The following GABRG2 variants were observed in gnomAD, a reference collection of about 807,000 sequenced individuals.
GABRG2 encodes the protein gamma-aminobutyric acid receptor subunit gamma-2.
A neutral mutation model predicts 56.4 loss-of-function variants in GABRG2; 16 were observed. That is an observed-to-expected ratio of 0.28 (90% CI 0.19 to 0.43). GABRG2 has a LOEUF of 0.43. GABRG2 is among the 20% of genes least tolerant of loss of function. The pLI is 1.00. For missense variants in GABRG2, 327 were observed against 582.7 expected (o/e 0.56, Z 4.52); for synonymous variants, 208 against 205.5 (o/e 1.01, Z -0.10).
intron 6 of GABRG2, among the ~76,000 whole-genome samples, chr5:162,115,558 A>G (rs868574445): frequency 1.3e-5 from 2 of 152,130 alleles, no homozygotes; most frequent in African/African-American, 2.4e-5. Context: ...TAGACCTGCC[A>G]TGAGTGGGAG....
chr5:162,115,785 C>T (rs1400343366), intron 6 of GABRG2, among the ~76,000 whole-genome samples: 1 of 152,024 alleles, frequency 6.6e-6, no homozygotes, highest in Non-Finnish European at 1.5e-5. Context: ...ATTGGCTGAA[C>T]TTGTATAGTC....
chr5:162,077,294 C>G (rs1324983848), intron 1 of GABRG2, among the ~76,000 whole-genome samples: 1 of 152,094 alleles, frequency 6.6e-6, no homozygotes, highest in African/African-American at 2.4e-5. Context: ...TTTAACCCAG[C>G]TTCTTTTGCT....
chr5:162,087,930 A>C (rs953706484), intron 1 of GABRG2, among the ~76,000 whole-genome samples: 1 of 152,164 alleles, frequency 6.6e-6, no homozygotes, highest in Admixed American at 6.6e-5. Context: ...TATCAAAAAA[A>C]ATTAAACAGG....
At chr5:162,143,793 T>A (rs929270956) in intron 7 of GABRG2, among the ~76,000 whole-genome samples, 1 of 152,224 alleles carries the variant, frequency 6.6e-6, no homozygotes, top group Non-Finnish European at 1.5e-5. Context: ...AAGTATTCGA[T>A]GCAAATTGCA....
intron 7 of GABRG2, among the ~76,000 whole-genome samples, chr5:162,147,072 A>G (rs1765003209): frequency 6.6e-6 from 1 of 152,076 alleles, no homozygotes; most frequent in South Asian, 2.1e-4. Flanking sequence ...TCTTCTAAGC[A>G]TGTTCTACCA....
chr5:162,154,375 T>C lies in GABRG2; in HGVS notation c.*1007T>C, dbSNP rs1253026634. On this transcript the variant is annotated 3_prime_UTR_variant, in exon 10 of 10. Transcript: ENST00000639213. ...ATTTCCTCTTTGGGTCTGTAGCACC[T>C]TGCATAGTGCCTGGCATATAGTTGG... The C allele has an allele frequency of 3.3e-5, 5 of 152,180 alleles. No individual in the cohort carries two copies. The highest frequency in any genetic ancestry group is 7.3e-5 in the Non-Finnish European group (5 of 68,034). The allele number at this position is 152,180 out of a possible 1,614,324, so 9.4% of individuals were successfully genotyped here.
chr5:162,144,145 C>G (rs1764784812), intron 7 of GABRG2, among the ~76,000 whole-genome samples: 7 of 152,202 alleles, frequency 4.6e-5, no homozygotes, highest in Admixed American at 4.6e-4. Flanking sequence ...TTACAAGCTT[C>G]TATGTCTGTC....
rs78239104 is a variant in GABRG2 at position 162,144,431 on chromosome 5, A to T, written c.922+2115A>T. Reference sequence around the variant, plus strand: ...AATAAGTGTTCACTGGCAAAGGATCATGGTGGAAGAAGGGATCAAAGTGAG... The same window carrying T: ...AATAAGTGTTCACTGGCAAAGGATCTTGGTGGAAGAAGGGATCAAAGTGAG... On this transcript the variant is annotated intron_variant, in intron 7 of 9. Coordinates refer to ENST00000639213, the MANE Select transcript of GABRG2 (RefSeq NM_198904.4). 5.2e-3 allele frequency among the ~76,000 whole-genome samples: 788 copies of T among 152,332 alleles called. 4 individuals are homozygous for T. Among genetic ancestry groups the T allele is most frequent in the African/African-American group, 0.017 (712 of 41,574 alleles).
At chr5:162,109,011 C>A (rs1035434164) in intron 6 of GABRG2, among the ~76,000 whole-genome samples, 1 of 151,994 alleles carries the variant, frequency 6.6e-6, no homozygotes, top group African/African-American at 2.4e-5. Context: ...TGGGTATATA[C>A]CCAGTAATGG....
chr5:162,123,994 A>G (rs1763146973), intron 6 of GABRG2, among the ~76,000 whole-genome samples: 1 of 151,968 alleles, frequency 6.6e-6, no homozygotes, highest in Non-Finnish European at 1.5e-5. Context: ...GCAGCAATGA[A>G]TGATGAATCA....
chr5:162,080,530 C>G (rs564526649), intron 1 of GABRG2, among the ~76,000 whole-genome samples: 1 of 152,112 alleles, frequency 6.6e-6, no homozygotes, highest in East Asian at 1.9e-4. Context: ...AGGGGAAGAA[C>G]TTGGGAGGCA....
intron 1 of GABRG2, among the ~76,000 whole-genome samples, chr5:162,091,927 G>A (rs908703167): frequency 3.3e-5 from 5 of 152,106 alleles, no homozygotes; most frequent in African/African-American, 1.2e-4. Context: ...AAGAGAGAGA[G>A]AGAGATTTTT....
intron 1 of GABRG2, among the ~76,000 whole-genome samples, chr5:162,077,347 C>CT: frequency 6.6e-6 from 1 of 152,104 alleles, no homozygotes; most frequent in East Asian, 1.9e-4. Flanking sequence ...CATATGAGTT[C>CT]TTTTTTATTA....
At chr5:162,091,699 T>G (rs1760603776) in intron 1 of GABRG2, among the ~76,000 whole-genome samples, 1 of 152,140 alleles carries the variant, frequency 6.6e-6, no homozygotes, top group African/African-American at 2.4e-5. Flanking sequence ...AAATTAGTCT[T>G]ACTTCTAAAA....
intron 1 of GABRG2, among the ~76,000 whole-genome samples, chr5:162,087,486 G>A (rs1220270699): frequency 6.6e-6 from 1 of 152,034 alleles, no homozygotes; most frequent in Admixed American, 6.6e-5. Flanking sequence ...TCCTCTTTTA[G>A]AGAGAGCTTT....
Position 162,130,573 on chromosome 5 carries a change from T to G in GABRG2, c.770-11591T>G, listed in dbSNP as rs371209231. ...GAAAATGACAAGAAAAATAAAGCGC[T>G]TCTACTAATACGCTTATTTCTCCAA... On this transcript the variant is annotated intron_variant, in intron 6 of 9. Coordinates refer to ENST00000639213, the MANE Select transcript of GABRG2 (RefSeq NM_198904.4). 3.9e-3 allele frequency among the ~76,000 whole-genome samples: 586 copies of G among 152,048 alleles called. 7 individuals carry two copies. Among genetic ancestry groups the G allele is most frequent in the African/African-American group, 0.013 (552 of 41,528 alleles).
At chr5:162,077,968 A>G (rs2113165202) in intron 1 of GABRG2, among the ~76,000 whole-genome samples, 1 of 152,198 alleles carries the variant, frequency 6.6e-6, no homozygotes, top group East Asian at 1.9e-4. Context: ...GGCTTTCAAG[A>G]TGAAAGCCAT....
intron 9 of GABRG2, chr5:162,152,779 T>C (rs574157197): frequency 5.1e-6 from 3 of 582,720 alleles, no homozygotes; most frequent in Admixed American, 6.0e-5. Context: ...TCACATCTAA[T>C]ACTTACTAGA....
rs1761089233 is a variant in GABRG2, at chr5:162,097,564, AAT to A, written c.328-73_328-72del. 2.6e-6 allele frequency: 3 copies of A among 1,140,942 alleles called. No homozygotes were observed. The African/African-American group carries it at 4.7e-5, about 18-fold the overall frequency. The allele number at this position is 1,140,942 out of a possible 1,614,324, so 70.7% of individuals were successfully genotyped here. ...GCTTCATATTGGCAAAGAAAACAGG[AAT>A]GAAATATACCAATATTTAAAAAGAT... On this transcript the variant is annotated intron_variant, in intron 3 of 9. Transcript: ENST00000639213.
Sources: allele counts gnomAD v4.1 joint callset (sites outside exome capture counted in the v4.1 genomes callset), GRCh38; gene constraint gnomAD v4.1.1; transcripts MANE v1.5; gene names NCBI Gene and HGNC (gene_info 2026-07-23, HGNC 2026-07-21).